Variants in RPRD1A observed in about 807,000 individuals in gnomAD.
The protein encoded by RPRD1A is regulation of nuclear pre-mRNA domain-containing protein 1A.
Under a neutral mutation model 37.8 loss-of-function variants are expected in RPRD1A, and 9 were observed. The observed-to-expected ratio is 0.24, with a 90% confidence interval of 0.14 to 0.42. The LOEUF is 0.42. RPRD1A is among the 10% of genes least tolerant of loss of function. The pLI is 1.00. For missense variants in RPRD1A, 255 were observed against 371.0 expected (o/e 0.69, Z 2.57); for synonymous variants, 138 against 139.7 (o/e 0.99, Z 0.08).
chr18:36,015,213 CTTTT>C lies in RPRD1A; in HGVS notation c.789+11683_789+11686del, dbSNP rs1198425451. Among the ~76,000 whole-genome samples, 30 of 131,314 alleles carry C rather than the reference CTTTT, an allele frequency of 2.3e-4. 1 individual carries two copies. Among genetic ancestry groups the C allele is most frequent in the Admixed American group, 7.7e-5 (1 of 13,070 alleles). The allele number at this position is 131,314 out of a possible 152,430, so 86.1% of individuals were successfully genotyped here. On this transcript the variant is annotated intron_variant, in intron 6 of 6. Coordinates refer to ENST00000399022, the MANE Select transcript of RPRD1A (RefSeq NM_018170.5). ...ACACACACACACACACATTCACATA[CTTTT>C]TTTTTTTTTTTTTGAGACAGAGTCC...
intron 2 of RPRD1A, among the ~76,000 whole-genome samples, chr18:36,031,868 G>A (rs1911816401): frequency 6.6e-6 from 1 of 152,122 alleles, no homozygotes; most frequent in African/African-American, 2.4e-5. Flanking sequence ...TCCTTACTCT[G>A]GGCCATAAGG....
At chr18:36,020,191 T>C (rs530586226) in intron 6 of RPRD1A, among the ~76,000 whole-genome samples, 11 of 152,292 alleles carry the variant, frequency 7.2e-5, no homozygotes, top group African/African-American at 2.6e-4. Flanking sequence ...CTCCTTAATA[T>C]GTAATGATAA....
intron 1 of RPRD1A, among the ~76,000 whole-genome samples, chr18:36,047,449 G>C (rs1913039267): frequency 6.6e-6 from 1 of 151,776 alleles, no homozygotes; most frequent in Non-Finnish European, 1.5e-5. Flanking sequence ...ACTAACCCAA[G>C]CAAGTAAAAG....
intron 1 of RPRD1A, among the ~76,000 whole-genome samples, chr18:36,066,015 T>C (rs574395755): frequency 2.0e-5 from 3 of 152,316 alleles, no homozygotes; most frequent in African/African-American, 7.2e-5. Flanking sequence ...TCTAGTAAAA[T>C]GTAAAAGCAA....
At chr18:36,012,832 T>C (rs942622567) in intron 6 of RPRD1A, among the ~76,000 whole-genome samples, 2 of 152,230 alleles carry the variant, frequency 1.3e-5, no homozygotes, top group African/African-American at 4.8e-5. Context: ...ATGTAAAAAT[T>C]CATTAATGTT....
chr18:36,049,035 G>A (rs1913175098), intron 1 of RPRD1A, among the ~76,000 whole-genome samples: 1 of 152,302 alleles, frequency 6.6e-6, no homozygotes, highest in African/African-American at 2.4e-5. Context: ...CCAAGTAGCT[G>A]TGATTACAGG....
intron 1 of RPRD1A, among the ~76,000 whole-genome samples, chr18:36,038,812 C>T (rs1441134379): frequency 6.6e-6 from 1 of 152,162 alleles, no homozygotes; most frequent in Non-Finnish European, 1.5e-5. Flanking sequence ...GATTTTGGAG[C>T]TTTAAGGTTT....
Position 36,005,314 on chromosome 18 carries a change from T to TA in RPRD1A, c.790-12015dup, listed in dbSNP as rs201330907. Among the ~76,000 whole-genome samples, 609 of 150,334 alleles carry TA rather than the reference T, an allele frequency of 4.1e-3. 1 individual carries two copies. Among genetic ancestry groups the TA allele is most frequent in the African/African-American group, 0.013 (546 of 40,994 alleles). ...AGACTCTGTCTCAAAAAAAATAAAA[T>TA]AAAAAAAAACTGCATATTTGCAACT... is the stretch of plus-strand genomic sequence containing the variant. On this transcript the variant is annotated intron_variant, in intron 6 of 6. Coordinates refer to ENST00000399022, the MANE Select transcript of RPRD1A (RefSeq NM_018170.5).
At chr18:36,032,954 G>A (rs72883058) in intron 2 of RPRD1A, among the ~76,000 whole-genome samples, 41,622 of 151,944 alleles carry the variant, frequency 0.27, 6,160 homozygotes, top group African/African-American at 0.4. Flanking sequence ...AAGTCATTAC[G>A]GTGTGGAGAA....
At chr18:36,022,155 G>A (rs570035214) in intron 6 of RPRD1A, among the ~76,000 whole-genome samples, 2 of 152,302 alleles carry the variant, frequency 1.3e-5, no homozygotes, top group South Asian at 2.1e-4. Flanking sequence ...AGGCCCAAAC[G>A]CTCTTCAATT....
chr18:36,009,119 T>C (rs1910007269), intron 6 of RPRD1A, among the ~76,000 whole-genome samples: 1 of 152,168 alleles, frequency 6.6e-6, no homozygotes, highest in East Asian at 1.9e-4. Context: ...CTTTCTTATG[T>C]ATTGTCTTTC....
At chr18:36,055,041 C>T (rs1598664683) in intron 1 of RPRD1A, among the ~76,000 whole-genome samples, 1 of 152,164 alleles carries the variant, frequency 6.6e-6, no homozygotes, top group Admixed American at 6.5e-5. Flanking sequence ...AAAACACCTC[C>T]ACACACATAT....
chr18:36,017,956 G>A (rs78684745), intron 6 of RPRD1A, among the ~76,000 whole-genome samples: 3,871 of 152,212 alleles, frequency 0.025, 183 homozygotes, highest in African/African-American at 0.088. Context: ...CTCACATATT[G>A]TTAGTGTTAT....
rs141132217 is a variant in RPRD1A at position 36,034,040 on chromosome 18, C to T, written c.152-203G>A. ...CAGAACTAATGTCTATGTAAAAATG[C>T]ATCTCGGTGACTCTATCCTGTATTA... On this transcript the variant is annotated intron_variant, in intron 1 of 6. Coordinates refer to ENST00000399022, the MANE Select transcript of RPRD1A (RefSeq NM_018170.5). Among the ~76,000 whole-genome samples the T allele has an allele frequency of 3.9e-4, 60 of 152,146 alleles. 1 individual carries two copies. The highest frequency in any genetic ancestry group is 1.4e-3 in the African/African-American group (59 of 41,526).
chr18:36,037,228 A>T (rs1912255197), intron 1 of RPRD1A, among the ~76,000 whole-genome samples: 1 of 152,174 alleles, frequency 6.6e-6, no homozygotes, highest in Non-Finnish European at 1.5e-5. Context: ...CAAATCTTGA[A>T]TTGTGGTTCC....
chr18:36,067,440 G>A lies in RPRD1A; in HGVS notation c.-36C>T, dbSNP rs757548464. 1.9e-6 allele frequency: 3 copies of A among 1,582,874 alleles called. No homozygotes were observed. Among genetic ancestry groups the A allele is most frequent in the Admixed American group, 1.8e-5 (1 of 56,028 alleles). On this transcript the variant is annotated 5_prime_UTR_variant, in exon 1 of 7. Transcript: ENST00000399022. ...CCACGTTCACGCCGTCCCACGCGGT[G>A]GGGCCGAGGGGAGGAGAGTTTCGCC...
intron 1 of RPRD1A, among the ~76,000 whole-genome samples, chr18:36,045,721 A>G (rs1912907851): frequency 6.6e-6 from 1 of 152,260 alleles, no homozygotes; most frequent in African/African-American, 2.4e-5. Context: ...GAATAATGTG[A>G]CATTATTTGT....
chr18:36,036,778 C>G (rs1912219726), intron 1 of RPRD1A, among the ~76,000 whole-genome samples: 1 of 152,026 alleles, frequency 6.6e-6, no homozygotes, highest in East Asian at 1.9e-4. Flanking sequence ...AATAACAGAG[C>G]CATAAATTGT....
At chr18:36,060,275 A>G (rs760826701) in intron 1 of RPRD1A, among the ~76,000 whole-genome samples, 92 of 152,094 alleles carry the variant, frequency 6.0e-4, no homozygotes, top group Non-Finnish European at 1.0e-3. Flanking sequence ...TACTAAAAAT[A>G]CAAAAAAATT....
Sources: allele counts gnomAD v4.1 joint callset (sites outside exome capture counted in the v4.1 genomes callset), GRCh38; gene constraint gnomAD v4.1.1; transcripts MANE v1.5; gene names NCBI Gene and HGNC (gene_info 2026-07-23, HGNC 2026-07-21).